Variants in ADPRHL1 observed in about 807,000 individuals in gnomAD.
ADPRHL1 encodes inactive ADP-ribosyltransferase ARH2.
ADPRHL1 carries 43 observed loss-of-function variants against 44.1 expected under a neutral mutation model. The observed-to-expected ratio is 0.98, with a 90% CI of 0.76 to 1.26. ADPRHL1 has a LOEUF of 1.26. ADPRHL1 is among the 50% of genes most tolerant of loss of function. The probability of loss-of-function intolerance (pLI) is 0.00; values close to 1 mark genes in which losing one functional copy is unlikely to be tolerated. For missense variants in ADPRHL1, 2,022 were observed against 2,496.9 expected (o/e 0.81, Z 4.05); for synonymous variants, 878 against 1,017.4 (o/e 0.86, Z 2.61).
chr13:113,408,852 G>T (rs2043828648), intron 7 of ADPRHL1, among the ~76,000 whole-genome samples: 1 of 151,656 alleles, frequency 6.6e-6, no homozygotes, highest in Non-Finnish European at 1.5e-5. Flanking sequence ...GGGAGGAGGG[G>T]GCTGCAGAGA....
chr13:113,418,708 A>G lies in ADPRHL1; in HGVS notation c.1061+4118T>C, dbSNP rs1309323640. 2.0e-5 allele frequency among the ~76,000 whole-genome samples: 3 copies of G among 152,172 alleles called. No individual in the cohort carries two copies. The East Asian group carries it at 5.8e-4, about 29-fold the overall frequency. On this transcript the variant is annotated intron_variant, in intron 7 of 7. Coordinates refer to ENST00000612156, the MANE Select transcript of ADPRHL1 (RefSeq NM_001394807.1). Reference sequence around the variant, plus strand: ...TCTCCATCCCAAGTCCTGGCTTCAGAGCTCACATCCGTGGGCCTGAGAGAA... The same window carrying G: ...TCTCCATCCCAAGTCCTGGCTTCAGGGCTCACATCCGTGGGCCTGAGAGAA...
chr13:113,434,352 G>C (rs2139634088), intron 2 of ADPRHL1, among the ~76,000 whole-genome samples: 2 of 146,500 alleles, frequency 1.4e-5, no homozygotes, highest in African/African-American at 5.1e-5. Context: ...CAGCATCCAG[G>C]TGCAGGATGA....
In ADPRHL1 at chr13:113,433,019, C is replaced by T. The variant is rs537047636; in HGVS notation, c.505+723G>A. ...TGCCCTCCACAGGACGGGCTGCGGA[C>T]GGGGACAAATCCCAGTGAGCAGCTG... On this transcript the variant is annotated intron_variant, in intron 3 of 7. Coordinates refer to ENST00000612156, the MANE Select transcript of ADPRHL1 (RefSeq NM_001394807.1). 1.1e-3 allele frequency among the ~76,000 whole-genome samples: 175 copies of T among 152,292 alleles called. 2 individuals are homozygous for T. Among genetic ancestry groups the T allele is most frequent in the African/African-American group, 4.0e-3 (166 of 41,572 alleles).
rs1452890276 is a variant in ADPRHL1, at chr13:113,408,110, C to T, written c.1172G>A (p.Ser391Asn). Residue 391 changes from serine (S) to asparagine (N), a missense_variant, in exon 8 of 8, where the codon AGC becomes AAC. By Grantham distance (46) the Ser-to-Asn change is conservative. Transcript: ENST00000612156. ...GCGGCCCGTGACGTAGAGCAGCAGG[C>T]TGCTGAGGATGGAGTGGGCGGCCGG... Reference protein sequence around the residue: ...CDPAAHSILSSLLLYVTGRAD... With the variant: ...CDPAAHSILSNLLLYVTGRAD... The T allele has an allele frequency of 1.6e-6, 2 of 1,231,936 alleles. No individual in the cohort carries two copies. The highest frequency in any genetic ancestry group is 1.6e-5 in the African/African-American group (1 of 64,428). 76.3% of individuals were successfully genotyped at this position (1,231,936 alleles called of 1,614,324 possible).
Position 113,413,159 on chromosome 13 carries a change from G to A in ADPRHL1, c.1062-4939C>T, listed in dbSNP as rs576141355. Among the ~76,000 whole-genome samples the A allele has an allele frequency of 1.0e-4, 15 of 149,426 alleles. 1 individual carries two copies. Among genetic ancestry groups the A allele is most frequent in the African/African-American group, 2.8e-4 (11 of 39,780 alleles). Reference sequence around the variant, plus strand: ...GCTCGGTTCACCCACCGCCAACAGCGCCTCGCAGAACTCGGTTCACCCACT... The same window carrying A: ...GCTCGGTTCACCCACCGCCAACAGCACCTCGCAGAACTCGGTTCACCCACT... On this transcript the variant is annotated intron_variant, in intron 7 of 7. Transcript: ENST00000612156.
intron 3 of ADPRHL1, among the ~76,000 whole-genome samples, chr13:113,430,984 C>T (rs2044003021): frequency 6.6e-6 from 1 of 152,210 alleles, no homozygotes; most frequent in Non-Finnish European, 1.5e-5. Flanking sequence ...GTGATCACCC[C>T]TCTTGTGGAT....
In ADPRHL1 at chr13:113,453,382, T is replaced by A. The variant is rs2044190956; in HGVS notation, c.56A>T (p.Tyr19Phe). ...LLGSVGDALG[Y>F]RNVCKENSTV... ...GCTGTTCTCCTTGCAGACATTTCTG[T>A]AGCCAAGAGCATCGCCGACGCTCCC... is the stretch of plus-strand genomic sequence containing the variant. Residue 19 changes from tyrosine (Y) to phenylalanine (F), a missense_variant, in exon 1 of 8, where the codon TAC becomes TTC. Transcript: ENST00000612156. The surrounding 1 kb of genome is among the most constrained non-coding windows in gnomAD (Gnocchi z 5.4). 1 of 1,614,084 alleles carries A rather than the reference T, an allele frequency of 6.2e-7. No individual in the cohort carries two copies.
chr13:113,431,366 C>T (rs1017031836), intron 3 of ADPRHL1, among the ~76,000 whole-genome samples: 19 of 152,254 alleles, frequency 1.2e-4, no homozygotes, highest in Non-Finnish European at 1.6e-4. Context: ...CGCTTTCCAG[C>T]GGCTGTTGGG....
chr13:113,440,600 G>C (rs1277162260), intron 2 of ADPRHL1, among the ~76,000 whole-genome samples: 1 of 151,678 alleles, frequency 6.6e-6, no homozygotes, highest in East Asian at 2.0e-4. Flanking sequence ...GGATTACAGG[G>C]GCATACCACC....
At chr13:113,435,434 C>T (rs1394565054) in intron 2 of ADPRHL1, among the ~76,000 whole-genome samples, 5 of 130,446 alleles carry the variant, frequency 3.8e-5, no homozygotes, top group Non-Finnish European at 3.2e-5. Context: ...CCCCGGGACC[C>T]AGCACCCAGG....
In ADPRHL1 at chr13:113,407,389, CCTGGGGCCACAGACGACGGTGGCGATG is replaced by C. The variant is rs1054823318; in HGVS notation, c.1866_1892del (p.Ser622_Pro630del). ...TTTTGGTGCAGTGGGACAGCCAGCTCCTGGGGCCACAGACGACGGTGGCGATGCTGAGGGCCGGCAGGGGCTCAGCCG... is the reference window on the plus strand; with the variant it reads ...TTTTGGTGCAGTGGGACAGCCAGCTCCTGAGGGCCGGCAGGGGCTCAGCCG... On this transcript the variant is annotated inframe_deletion, in exon 8 of 8. Coordinates refer to ENST00000612156, the MANE Select transcript of ADPRHL1 (RefSeq NM_001394807.1). 5.0e-5 allele frequency: 61 copies of C among 1,231,958 alleles called. No individual in the cohort carries two copies. Among genetic ancestry groups the C allele is most frequent in the Non-Finnish European group, 5.4e-5 (53 of 988,090 alleles). 76.3% of individuals were successfully genotyped at this position (1,231,958 alleles called of 1,614,324 possible).
At position 113,449,693 on chromosome 13, in the gene ADPRHL1, G is replaced by C. The variant is rs9604117; in HGVS notation, c.214+3531C>G. Among the ~76,000 whole-genome samples, 158 of 152,370 alleles carry C rather than the reference G, an allele frequency of 1.0e-3. 1 individual carries two copies. Among genetic ancestry groups the C allele is most frequent in the African/African-American group, 3.5e-3 (146 of 41,596 alleles). Reference sequence around the variant, plus strand: ...GTTTGCCAGACCACACAGCCCCGTGGCTCGTGGGGTGAAGGACTTTTCAGT... The same window carrying C: ...GTTTGCCAGACCACACAGCCCCGTGCCTCGTGGGGTGAAGGACTTTTCAGT... On this transcript the variant is annotated intron_variant, in intron 1 of 7. Coordinates refer to ENST00000612156, the MANE Select transcript of ADPRHL1 (RefSeq NM_001394807.1).
intron 7 of ADPRHL1, among the ~76,000 whole-genome samples, chr13:113,408,432 T>C (rs2043825323): frequency 6.6e-6 from 1 of 152,216 alleles, no homozygotes; most frequent in South Asian, 2.1e-4. Flanking sequence ...TCTGGGTCAC[T>C]GTTTCCTGTT....
At position 113,425,077 on chromosome 13, in the gene ADPRHL1, T is replaced by C; in HGVS notation, c.749A>G (p.Asn250Ser). Residue 250 changes from asparagine (N) to serine (S), a missense_variant, in exon 5 of 8, where the codon AAT becomes AGT. By Grantham distance (46) the Asn-to-Ser change is conservative. This residue lies in a region of ADPRHL1 where 437 missense variants were observed against 430.7 expected (regional missense o/e 1.01). Coordinates refer to ENST00000612156, the MANE Select transcript of ADPRHL1 (RefSeq NM_001394807.1). ...DSENKAIFPD[N>S]YDAEEREKTY... is the part of the protein sequence containing the mutation. Reference sequence around the variant, plus strand: ...CTTTTCCCTCTCTTCTGCATCATAATTGTCGGGGAAGATGGCTTTATTTTC... The same window carrying C: ...CTTTTCCCTCTCTTCTGCATCATAACTGTCGGGGAAGATGGCTTTATTTTC... 2 of 1,613,652 alleles carry C rather than the reference T, an allele frequency of 1.2e-6. No homozygotes were observed. Among genetic ancestry groups the C allele is most frequent in the Non-Finnish European group, 1.7e-6 (2 of 1,179,932 alleles).
Position 113,404,977 on chromosome 13 carries a change from G to A in ADPRHL1, c.4305C>T (p.Ala1435=), listed in dbSNP as rs943183361. 2.4e-6 allele frequency: 3 copies of A among 1,234,960 alleles called. No homozygotes were observed. The East Asian group carries it at 9.5e-5, about 39-fold the overall frequency. The allele number at this position is 1,234,960 out of a possible 1,614,324, so 76.5% of individuals were successfully genotyped here. A position where few individuals can be genotyped will look rare whatever the true frequency, so the allele number is the denominator to read the frequency against. The change falls in exon 8 of 8, where the codon GCC becomes GCT. Residue 1435 remains alanine (A), a synonymous_variant. Coordinates refer to ENST00000612156, the MANE Select transcript of ADPRHL1 (RefSeq NM_001394807.1). The part of the protein sequence containing the change: ...DKGMAIGVGG[A]CQRSDQGQQH... ...GCTGACCTTGGTCACTGCGCTGGCA[G>A]GCGCCCCCAACCCCAATGGCCATCC...
chr13:113,431,356 C>T (rs887621960), intron 3 of ADPRHL1, among the ~76,000 whole-genome samples: 4 of 152,252 alleles, frequency 2.6e-5, no homozygotes, highest in East Asian at 1.9e-4. Context: ...GCTGCAGAGA[C>T]GCTTTCCAGC....
At chr13:113,430,905 G>A (rs1324306554) in intron 3 of ADPRHL1, among the ~76,000 whole-genome samples, 1 of 152,228 alleles carries the variant, frequency 6.6e-6, no homozygotes, top group Non-Finnish European at 1.5e-5. Flanking sequence ...CCGAGCCCTT[G>A]CCCCACTGGG....
At chr13:113,422,683 A>C (rs998907653) in intron 7 of ADPRHL1, 143 bp downstream of exon 7, 2 of 1,017,102 alleles carry the variant, frequency 2.0e-6, no homozygotes, top group Non-Finnish European at 2.9e-6. Flanking sequence ...TGAAATTGGA[A>C]ACAGAGAGTT....
At position 113,409,536 on chromosome 13, in the gene ADPRHL1, G is replaced by A. The variant is rs2043835689; in HGVS notation, c.1062-1316C>T. On this transcript the variant is annotated intron_variant, in intron 7 of 7. Transcript: ENST00000612156. This position sits in a 1 kb window ranked among gnomAD's most constrained non-coding sequence, Gnocchi z 4.2. Reference sequence around the variant, plus strand: ...ATTTGTGGGAGAAGAGTCGGTGGCCGGATGCGGCTGGTGACGTGGTGCCAA... The same window carrying A: ...ATTTGTGGGAGAAGAGTCGGTGGCCAGATGCGGCTGGTGACGTGGTGCCAA... 4.1e-6 allele frequency: 4 copies of A among 985,408 alleles called. No homozygotes were observed. The highest frequency in any genetic ancestry group is 4.8e-6 in the Non-Finnish European group (4 of 829,918). The allele number at this position is 985,408 out of a possible 1,614,324, so 61.0% of individuals were successfully genotyped here.
Sources: gnomAD v4.1 joint callset for allele counts (sites outside exome capture counted in the v4.1 genomes callset) on GRCh38, gnomAD v4.1.1 for gene constraint, gnomAD v4.1.1 regional missense constraint, Gnocchi (gnomAD v3.1) non-coding constraint, MANE v1.5 for transcripts, NCBI Gene and HGNC (gene_info 2026-07-23, HGNC 2026-07-21) for gene names.